HECW2: variants seen among roughly 807,000 people sequenced by gnomAD.
HECW2 encodes HECT, C2 and WW domain containing E3 ubiquitin protein ligase 2.
In HECW2, 61 loss-of-function variants were observed where a neutral mutation model predicts 175.2. That is an observed-to-expected ratio of 0.35 (90% CI 0.28 to 0.43). HECW2 has a LOEUF of 0.43. Among genes scored for constraint, HECW2 ranks in the 20% least tolerant of loss-of-function variants. The pLI is 1.00. For missense variants in HECW2, 1,524 were observed against 2,000.5 expected, an observed-to-expected ratio of 0.76 and a Z score of 4.54; for synonymous variants, 671 against 731.0, an observed-to-expected ratio of 0.92 and a Z score of 1.32.
At chr2:196,462,741 T>G (rs567800161) in intron 1 of HECW2, among the ~76,000 whole-genome samples, 11 of 151,414 alleles carry the variant, frequency 7.3e-5, no homozygotes, top group Non-Finnish European at 1.6e-4. Context: ...CACTTAACAA[T>G]TCTGAGTAAT....
At chr2:196,263,459 C>G (rs959937196) in intron 17 of HECW2, 1 of 152,232 alleles carries the variant, frequency 6.6e-6, no homozygotes, top group African/African-American at 2.4e-5. Flanking sequence ...GGATTGCCGA[C>G]TCTGCACATC....
chr2:196,274,157 A>G, intron 15 of HECW2, 34 bp from the exon 16 acceptor site: 1 of 1,519,136 alleles, frequency 6.6e-7, no homozygotes, highest in Non-Finnish European at 9.1e-7. Context: ...GTTCTGCACC[A>G]AGAGCCAGAA....
At chr2:196,505,150 A>G (rs529244997) in intron 1 of HECW2, among the ~76,000 whole-genome samples, 2 of 152,314 alleles carry the variant, frequency 1.3e-5, no homozygotes, top group East Asian at 3.9e-4. Context: ...ATAAAATTAG[A>G]TTAATAACCA....
At chr2:196,452,811 AC>A (rs1179806150) in intron 1 of HECW2, among the ~76,000 whole-genome samples, 1,772 of 151,590 alleles carry the variant, frequency 0.012, 37 homozygotes, top group African/African-American at 0.04. Context: ...AAAAAAAAAA[AC>A]ATGGGCCCAA....
chr2:196,425,176 G>A (rs1695508580), intron 2 of HECW2, among the ~76,000 whole-genome samples: 1 of 151,152 alleles, frequency 6.6e-6, no homozygotes. Context: ...ATATTTTTAC[G>A]GAATATTTTG....
intron 2 of HECW2, among the ~76,000 whole-genome samples, chr2:196,375,357 G>T (rs1694023795): frequency 6.6e-6 from 1 of 152,152 alleles, no homozygotes; most frequent in East Asian, 1.9e-4. Flanking sequence ...CTCTAACTCT[G>T]ACTGGAAACA....
At chr2:196,530,677 A>G (rs1688809150) in intron 1 of HECW2, among the ~76,000 whole-genome samples, 1 of 152,232 alleles carries the variant, frequency 6.6e-6, no homozygotes, top group African/African-American at 2.4e-5. Flanking sequence ...GTTATTCATA[A>G]ACAACTAAAT....
In HECW2 at chr2:196,271,227, G is replaced by T. The variant is rs1379141769; in HGVS notation, c.3301C>A (p.Arg1101Ser). The T allele has an allele frequency of 3.1e-6, 5 of 1,609,998 alleles. No individual in the cohort carries two copies. In the African/African-American group the frequency reaches 6.7e-5, roughly 22 times the overall value. Residue 1101 changes from arginine (R) to serine (S), a missense_variant, in exon 17 of 29, where the codon CGT becomes AGT. By Grantham distance (110) the Arg-to-Ser change is moderately radical. Around this residue, in one of 11 missense-constraint regions of HECW2, gnomAD observed 291 missense variants for 412.2 expected, o/e 0.71. Coordinates refer to ENST00000644978, the MANE Select transcript of HECW2 (RefSeq NM_001348768.2). The part of the protein sequence containing the change: ...QPNIFEILQE[R>S]QPDLTRNHSL... ...TGATTCCTGGTAAGATCAGGTTGAC[G>T]CTCCTGTAGAATTTCAAAGATATTG...
intron 21 of HECW2, among the ~76,000 whole-genome samples, chr2:196,233,199 C>T (rs938204114): frequency 6.6e-6 from 1 of 152,100 alleles, no homozygotes; most frequent in Non-Finnish European, 1.5e-5. Flanking sequence ...AGGCTTGGCA[C>T]GGAAATATAA....
chr2:196,318,254 G>C (rs543999078), intron 9 of HECW2, among the ~76,000 whole-genome samples: 1 of 152,278 alleles, frequency 6.6e-6, no homozygotes, highest in Admixed American at 6.5e-5. Flanking sequence ...AGCCCATCTG[G>C]ATGCAAACCA....
chr2:196,319,233 C>A lies in HECW2; in HGVS notation c.1657G>T (p.Gly553Cys). The part of the protein sequence containing the change: ...AGPAPEEGEG[G>C]PEPQPSADQG... The stretch of plus-strand genomic sequence containing the variant: ...TCAGCACTGGGTTGAGGCTCTGGGC[C>A]GCCTTCACCTTCCTCTGGGGCTGGG... The change falls in exon 9 of 29, where the codon GGC (glycine) becomes TGC (cysteine). Residue 553 changes from glycine to cysteine, a missense_variant. Transcript: ENST00000644978. The A allele has an allele frequency of 1.0e-5, 16 of 1,596,878 alleles. No homozygotes were observed. The highest frequency in any genetic ancestry group is 1.4e-5 in the Non-Finnish European group (16 of 1,172,090).
intron 19 of HECW2, among the ~76,000 whole-genome samples, chr2:196,245,779 C>T (rs1271154054): frequency 6.6e-6 from 1 of 152,124 alleles, no homozygotes; most frequent in African/African-American, 2.4e-5. Flanking sequence ...TGTCATAAAG[C>T]AAGTGAATAA....
intron 1 of HECW2, among the ~76,000 whole-genome samples, chr2:196,505,945 T>A (rs1575614210): frequency 6.6e-6 from 1 of 152,256 alleles, no homozygotes; most frequent in East Asian, 1.9e-4. Context: ...GCATGTCATA[T>A]GGTGATAAGT....
chr2:196,306,174 GA>G (rs1691253077), intron 13 of HECW2, among the ~76,000 whole-genome samples: 1 of 152,132 alleles, frequency 6.6e-6, no homozygotes, highest in African/African-American at 2.4e-5. Flanking sequence ...TACACACAAG[GA>G]AATGGACTGT....
At chr2:196,505,132 T>C (rs922572768) in intron 1 of HECW2, among the ~76,000 whole-genome samples, 4 of 152,168 alleles carry the variant, frequency 2.6e-5, no homozygotes, top group African/African-American at 7.2e-5. Context: ...TTGTTCACAA[T>C]AGTAATGATA....
chr2:196,549,189 A>G (rs1259968866), intron 1 of HECW2, among the ~76,000 whole-genome samples: 1 of 152,234 alleles, frequency 6.6e-6, no homozygotes, highest in Non-Finnish European at 1.5e-5. Context: ...ATCAATCTAC[A>G]GCATAACAAA....
At chr2:196,497,459 A>C (rs1015233524) in intron 1 of HECW2, among the ~76,000 whole-genome samples, 1 of 152,178 alleles carries the variant, frequency 6.6e-6, no homozygotes, top group African/African-American at 2.4e-5. Flanking sequence ...AGTAGAAGGG[A>C]GATTGTTGAC....
intron 1 of HECW2, among the ~76,000 whole-genome samples, chr2:196,497,904 C>T (rs1447782155): frequency 1.3e-5 from 2 of 152,208 alleles, no homozygotes; most frequent in Non-Finnish European, 2.9e-5. Flanking sequence ...TTAGATCGTA[C>T]TCTTTTTGTC....
chr2:196,291,382 AG>A (rs1387869693), intron 14 of HECW2: 1 of 152,140 alleles, frequency 6.6e-6, no homozygotes, highest in East Asian at 1.9e-4. Flanking sequence ...TGGCCTACAA[AG>A]AATAGTATGT....
Sources: gnomAD v4.1 joint callset for allele counts (sites outside exome capture counted in the v4.1 genomes callset) on GRCh38, gnomAD v4.1.1 for gene constraint, gnomAD v4.1.1 regional missense constraint, MANE v1.5 for transcripts, NCBI Gene and HGNC (gene_info 2026-07-23, HGNC 2026-07-21) for gene names.